EPS15L1: variants seen among roughly 807,000 people sequenced by gnomAD.
The protein encoded by EPS15L1 is epidermal growth factor receptor substrate 15-like 1.
A neutral mutation model predicts 117.1 loss-of-function variants in EPS15L1; 43 were observed. The ratio of observed to expected loss-of-function variants is 0.37; its 90% CI spans 0.29 to 0.47. The LOEUF (loss-of-function observed/expected upper bound fraction) is 0.47, where lower values mean the gene tolerates loss of function less well. EPS15L1 is among the 20% of genes least tolerant of loss of function. The pLI is 0.99. For missense variants in EPS15L1, 981 were observed against 1,164.0 expected (o/e 0.84, Z 2.29); for synonymous variants, 459 against 470.5 (o/e 0.98, Z 0.32).
intron 16 of EPS15L1, among the ~76,000 whole-genome samples, chr19:16,397,419 A>G (rs55637134): frequency 0.02 from 3,031 of 151,746 alleles, 111 homozygotes; most frequent in African/African-American, 0.07. Flanking sequence ...AAGTTAAACA[A>G]TTTTTTTTTA....
At chr19:16,374,939 T>C (rs531440474) in intron 22 of EPS15L1, among the ~76,000 whole-genome samples, 3 of 152,378 alleles carry the variant, frequency 2.0e-5, no homozygotes, top group African/African-American at 7.2e-5. Flanking sequence ...TTCATGTATA[T>C]GTTCACATGT....
chr19:16,355,584 G>A lies in EPS15L1; in HGVS notation c.*121C>T, dbSNP rs2091969565. On this transcript the variant is annotated 3_prime_UTR_variant, in exon 24 of 24. Coordinates refer to ENST00000455140, the MANE Select transcript of EPS15L1 (RefSeq NM_001258374.3). ...AGCCGAGTCTGCTCACCCTGAACAAGCCCCCGAGTCCCGGTCCTTGGAGTA... is the reference window on the plus strand; with the variant it reads ...AGCCGAGTCTGCTCACCCTGAACAAACCCCCGAGTCCCGGTCCTTGGAGTA... 7.8e-7 allele frequency: 1 copy of A among 1,280,282 alleles called. No individual in the cohort carries two copies. Among genetic ancestry groups the A allele is most frequent in the Non-Finnish European group, 1.1e-6 (1 of 946,958 alleles). The allele number at this position is 1,280,282 out of a possible 1,614,324, so 79.3% of individuals were successfully genotyped here.
rs143515806 is a variant in EPS15L1, at chr19:16,441,909, C to T, written c.148G>A (p.Asp50Asn). ...ALFLKKSGLS[D>N]IILGKIWDLA... Reference sequence around the variant, plus strand: ...TCACATACCTTCCCAAGGATAATGTCCGAGAGGCCAGACTTCTTTAGAAAA... The same window carrying T: ...TCACATACCTTCCCAAGGATAATGTTCGAGAGGCCAGACTTCTTTAGAAAA... Residue 50 changes from aspartate to asparagine, a missense_variant, in exon 3 of 24, where the codon GAC (aspartate) becomes AAC (asparagine). Asp to Asn is a conservative substitution (Grantham distance 23). This residue lies in a region of EPS15L1 where 62 missense variants were observed against 104.2 expected (regional missense o/e 0.59). Coordinates refer to ENST00000455140, the MANE Select transcript of EPS15L1 (RefSeq NM_001258374.3). The T allele has an allele frequency of 7.1e-5, 115 of 1,613,694 alleles. No individual in the cohort carries two copies. The highest frequency in any genetic ancestry group is 9.6e-5 in the Non-Finnish European group (113 of 1,179,718).
At position 16,463,019 on chromosome 19, in the gene EPS15L1, G is replaced by A. The variant is rs142344839; in HGVS notation, c.33+8894C>T. 4.9e-3 allele frequency among the ~76,000 whole-genome samples: 751 copies of A among 152,306 alleles called. 3 individuals carry two copies. Among genetic ancestry groups the A allele is most frequent in the African/African-American group, 0.017 (713 of 41,576 alleles). On this transcript the variant is annotated intron_variant, in intron 1 of 23. Coordinates refer to ENST00000455140, the MANE Select transcript of EPS15L1 (RefSeq NM_001258374.3). ...TTTCTGTGTGCCTGGGTGCCCAGCT[G>A]CAGTTGAGCTGACCTGGAGGGTGGG... is the stretch of plus-strand genomic sequence containing the variant.
intron 23 of EPS15L1, chr19:16,361,436 G>T: frequency 2.9e-6 from 1 of 347,144 alleles, no homozygotes; most frequent in Non-Finnish European, 4.3e-6. Flanking sequence ...CTTCGGAAGT[G>T]TTTGACATCT....
At chr19:16,363,392 C>G (rs532298213) in intron 22 of EPS15L1, among the ~76,000 whole-genome samples, 1 of 152,210 alleles carries the variant, frequency 6.6e-6, no homozygotes, top group African/African-American at 2.4e-5. Flanking sequence ...ACACCTGCCC[C>G]GCCCACCACC....
chr19:16,372,758 C>G (rs2092242764), intron 22 of EPS15L1, among the ~76,000 whole-genome samples: 1 of 152,270 alleles, frequency 6.6e-6, no homozygotes, highest in East Asian at 1.9e-4. Flanking sequence ...CACACACCCA[C>G]CTGCTAGGCC....
At chr19:16,428,549 AAAGAAAG>A (rs2092899132) in intron 8 of EPS15L1, among the ~76,000 whole-genome samples, 146 bp downstream of exon 8, 1 of 127,510 alleles carries the variant, frequency 7.8e-6, no homozygotes. Flanking sequence ...GAAAGACAGA[AAAGAAAG>A]GAAAAGAAAG....
At chr19:16,461,321 A>AAG in intron 1 of EPS15L1, among the ~76,000 whole-genome samples, 1 of 139,208 alleles carries the variant, frequency 7.2e-6, no homozygotes, top group East Asian at 2.1e-4. Flanking sequence ...AAAAAAAAAA[A>AAG]AGAAAGAAAG....
At chr19:16,463,079 C>T (rs890366265) in intron 1 of EPS15L1, among the ~76,000 whole-genome samples, 4 of 152,304 alleles carry the variant, frequency 2.6e-5, no homozygotes, top group African/African-American at 9.6e-5. Flanking sequence ...CAAGACAGCA[C>T]ACAGTAGCTC....
At chr19:16,400,954 C>T (rs926786029) in intron 16 of EPS15L1, 3 of 985,264 alleles carry the variant, frequency 3.0e-6, no homozygotes, top group Non-Finnish European at 3.6e-6. Flanking sequence ...AAGCCAAAAG[C>T]GGTGCCAGGG....
At chr19:16,454,020 C>T (rs1013681360) in intron 1 of EPS15L1, among the ~76,000 whole-genome samples, 2 of 152,158 alleles carry the variant, frequency 1.3e-5, no homozygotes, top group African/African-American at 4.8e-5. Flanking sequence ...ACAATACAAA[C>T]TGGCATTCCT....
At chr19:16,422,414 C>CT (rs57143961) in intron 9 of EPS15L1, among the ~76,000 whole-genome samples, 27,276 of 151,362 alleles carry the variant, frequency 0.18, 2,667 homozygotes, top group East Asian at 0.29. Context: ...TTCCTCTTCC[C>CT]TTTTTTTTTA....
chr19:16,355,600 C>T lies in EPS15L1; in HGVS notation c.*105G>A, dbSNP rs2091969758. 1 of 1,381,428 alleles carries T rather than the reference C, an allele frequency of 7.2e-7. No individual in the cohort carries two copies. The allele number at this position is 1,381,428 out of a possible 1,614,324, so 85.6% of individuals were successfully genotyped here. ...CCTGAACAAGCCCCCGAGTCCCGGT[C>T]CTTGGAGTACGGTGGCGACGGTGTG... On this transcript the variant is annotated 3_prime_UTR_variant, in exon 24 of 24. Transcript: ENST00000455140.
At chr19:16,388,259 C>T (rs1052285898) in intron 19 of EPS15L1, among the ~76,000 whole-genome samples, 2 of 152,060 alleles carry the variant, frequency 1.3e-5, no homozygotes, top group African/African-American at 2.4e-5. Flanking sequence ...AGGCTGGTCT[C>T]GAACTCCTGG....
chr19:16,412,854 C>A, intron 13 of EPS15L1: 1 of 554,948 alleles, frequency 1.8e-6, no homozygotes, highest in South Asian at 1.5e-5. Flanking sequence ...CTTGCAGAGG[C>A]AAGGCCGAGG....
chr19:16,437,937 GCAGGCTT>G, intron 4 of EPS15L1, 72 bp from the exon 5 acceptor site: 2 of 1,160,740 alleles, frequency 1.7e-6, no homozygotes, highest in Non-Finnish European at 2.5e-6. Flanking sequence ...GTCTCTAACA[GCAGGCTT>G]CAGGGAAAGA....
intron 1 of EPS15L1, among the ~76,000 whole-genome samples, chr19:16,442,465 T>C (rs1165894231): frequency 1.3e-5 from 2 of 152,134 alleles, no homozygotes; most frequent in East Asian, 3.9e-4. Flanking sequence ...GGGCAAACAA[T>C]ATAGTCACTC....
chr19:16,464,893 A>AT (rs2093288081), intron 1 of EPS15L1, among the ~76,000 whole-genome samples: 1 of 151,280 alleles, frequency 6.6e-6, no homozygotes, highest in Non-Finnish European at 1.5e-5. Flanking sequence ...ATCCTGCCTA[A>AT]CCAGTGAAAC....
Sources: gnomAD v4.1 joint callset for allele counts (sites outside exome capture counted in the v4.1 genomes callset) on GRCh38, gnomAD v4.1.1 for gene constraint, gnomAD v4.1.1 regional missense constraint, MANE v1.5 for transcripts, NCBI Gene and HGNC (gene_info 2026-07-23, HGNC 2026-07-21) for gene names.